The following CACNA1I variants were observed in gnomAD, a reference collection of about 807,000 sequenced individuals.
CACNA1I encodes voltage-dependent T-type calcium channel subunit alpha-1I.
CACNA1I carries 74 observed loss-of-function variants against 201.6 expected under a neutral mutation model. That is an observed-to-expected ratio of 0.37 (90% CI 0.30 to 0.45). The LOEUF is 0.45. CACNA1I is among the 20% of genes least tolerant of loss of function. The pLI is 1.00. For synonymous variants in CACNA1I, 1,431 were observed against 1,345.2 expected, an observed-to-expected ratio of 1.06 and a Z score of -1.40; for missense variants, 2,346 against 3,138.1, an observed-to-expected ratio of 0.75 and a Z score of 6.03.
At chr22:39,604,852 C>G (rs1317185261) in intron 3 of CACNA1I, among the ~76,000 whole-genome samples, 1 of 152,008 alleles carries the variant, frequency 6.6e-6, no homozygotes, top group South Asian at 2.1e-4. Flanking sequence ...CGCTGGGATA[C>G]AGGTGTGAGC....
In CACNA1I at chr22:39,673,959, G is replaced by A. The variant is rs759304316; in HGVS notation, c.4784-4G>A. On this transcript the variant is annotated splice_region_variant and splice_polypyrimidine_tract_variant and intron_variant, in intron 28 of 36. Coordinates refer to ENST00000402142, the MANE Select transcript of CACNA1I (RefSeq NM_021096.4). ...GAGTGGGCAGGGCTGGGTCTCGCCC[G>A]CAGTGCTGAAGCTGTTGAAGATGGC... 1.8e-5 allele frequency: 29 copies of A among 1,612,286 alleles called. No individual in the cohort carries two copies. The highest frequency in any genetic ancestry group is 2.2e-5 in the Non-Finnish European group (26 of 1,179,770).
intron 4 of CACNA1I, 79 bp downstream of exon 4, chr22:39,619,486 G>GGGGGGGGGGCC: frequency 9.6e-7 from 1 of 1,037,934 alleles, no homozygotes; most frequent in Non-Finnish European, 1.5e-6. Context: ...CCTAGCCAAT[G>GGGGGGGGGGCC]CCCACCCCCC....
chr22:39,659,637 C>T lies in CACNA1I; in HGVS notation c.2449-60C>T. ...GGCGGGGCTGACAACTCCCATGCCTCCTTGTAGAGCCTAGCCCTGGACTAG... is the reference window on the plus strand; with the variant it reads ...GGCGGGGCTGACAACTCCCATGCCTTCTTGTAGAGCCTAGCCCTGGACTAG... On this transcript the variant is annotated intron_variant, in intron 13 of 36. Transcript: ENST00000402142. The surrounding 1 kb of genome is among the most constrained non-coding windows in gnomAD (Gnocchi z 4.3). The T allele has an allele frequency of 6.2e-7, 1 of 1,606,540 alleles. No homozygotes were observed.
At chr22:39,670,320 G>A (rs1353525116) in intron 25 of CACNA1I, 90 bp downstream of exon 25, 81 of 1,350,268 alleles carry the variant, frequency 6.0e-5, no homozygotes, top group Non-Finnish European at 8.1e-5. Flanking sequence ...TTTGGAGCTG[G>A]AAGGGAACAA....
In CACNA1I at chr22:39,648,474, G is replaced by A. The variant is rs1003848639; in HGVS notation, c.1567+548G>A. Among the ~76,000 whole-genome samples, 22 of 151,968 alleles carry A rather than the reference G, an allele frequency of 1.4e-4. No individual in the cohort carries two copies. The highest frequency in any genetic ancestry group is 4.1e-4 in the African/African-American group (17 of 41,396). ...AAACGAGAGTTGGCTGTCGCCCCAC[G>A]TCCAGGTGGGAGCAGTGAGCCGGCG... is the stretch of plus-strand genomic sequence containing the variant. On this transcript the variant is annotated intron_variant, in intron 9 of 36. Coordinates refer to ENST00000402142, the MANE Select transcript of CACNA1I (RefSeq NM_021096.4). The surrounding 1 kb of genome is among the most constrained non-coding windows in gnomAD (Gnocchi z 5.4).
At chr22:39,639,211 C>A (rs1487567196) in intron 5 of CACNA1I, among the ~76,000 whole-genome samples, 1 of 152,202 alleles carries the variant, frequency 6.6e-6, no homozygotes, top group Non-Finnish European at 1.5e-5. Flanking sequence ...GGGACAGAGG[C>A]CATGTGCTCT....
chr22:39,594,625 T>C (rs1820310209), intron 1 of CACNA1I, among the ~76,000 whole-genome samples: 1 of 151,482 alleles, frequency 6.6e-6, no homozygotes, highest in Non-Finnish European at 1.5e-5. Context: ...GGGCTGGGGA[T>C]GGGAGGGAGG....
intron 10 of CACNA1I, among the ~76,000 whole-genome samples, chr22:39,654,794 T>G (rs2146438197): frequency 6.6e-6 from 1 of 151,688 alleles, no homozygotes; most frequent in African/African-American, 2.4e-5. Flanking sequence ...AGCATAGGTA[T>G]CCCCCAAAAG....
At chr22:39,660,504 G>C (rs1601507963) in intron 15 of CACNA1I, 67 bp downstream of exon 15, 1 of 1,138,006 alleles carries the variant, frequency 8.8e-7, no homozygotes, top group South Asian at 1.4e-5. Flanking sequence ...GTGGGCAGAG[G>C]GTACAGCGTC....
At chr22:39,612,532 A>C (rs1373455117) in intron 3 of CACNA1I, among the ~76,000 whole-genome samples, 1 of 152,156 alleles carries the variant, frequency 6.6e-6, no homozygotes, top group African/African-American at 2.4e-5. Flanking sequence ...CCACTTCCTC[A>C]TAGATGAGTC....
intron 3 of CACNA1I, among the ~76,000 whole-genome samples, chr22:39,608,883 G>C (rs151074469): frequency 5.5e-4 from 83 of 152,130 alleles, no homozygotes; most frequent in African/African-American, 1.9e-3. Context: ...CTGGAATGCT[G>C]GGAACAGCTT....
chr22:39,673,049 A>T lies in CACNA1I; in HGVS notation c.4750A>T (p.Ile1584Phe). 1 of 1,613,552 alleles carries T rather than the reference A, an allele frequency of 6.2e-7. No individual in the cohort carries two copies. Among genetic ancestry groups the T allele is most frequent in the Non-Finnish European group, 8.5e-7 (1 of 1,179,772 alleles). Reference protein sequence around the residue: ...NAALPINPTIIRIMRVLRIAR... With the variant: ...NAALPINPTIFRIMRVLRIAR... ...GGCCCTGCCCATCAATCCCACCATC[A>T]TCCGCATCATGAGGGTTCTGCGCAT... The change falls in exon 28 of 37, where the codon ATC (isoleucine) becomes TTC (phenylalanine). Residue 1584 changes from isoleucine to phenylalanine, a missense_variant. By Grantham distance (21) the Ile-to-Phe change is conservative. Around this residue, in one of 13 missense-constraint regions of CACNA1I, gnomAD observed 228 missense variants for 395.7 expected, o/e 0.58. Transcript: ENST00000402142.
intron 14 of CACNA1I, 90 bp from the exon 15 acceptor site, chr22:39,660,254 G>C (rs191890245): frequency 3.2e-6 from 3 of 932,214 alleles, no homozygotes; most frequent in Non-Finnish European, 4.9e-6. Flanking sequence ...GCAAAATGGC[G>C]GTGGAAACAC....
chr22:39,677,132 T>TATTCTTG lies in CACNA1I; in HGVS notation c.4855-209_4855-208insATTCTTG, dbSNP rs1022674422. Among the ~76,000 whole-genome samples the TATTCTTG allele has an allele frequency of 9.2e-5, 14 of 152,138 alleles. No homozygotes were observed. The highest frequency in any genetic ancestry group is 3.4e-4 in the African/African-American group (14 of 41,422). On this transcript the variant is annotated intron_variant, in intron 29 of 36. Transcript: ENST00000402142. This position sits in a 1 kb window ranked among gnomAD's most constrained non-coding sequence, Gnocchi z 4.8. The stretch of plus-strand genomic sequence containing the variant: ...CTTGTGGTAAAGGTGGCACAAGTGT[T>TATTCTTG]TTCTTGTTATTCTGAGCCCTGTGCT...
chr22:39,661,912 C>A, intron 16 of CACNA1I, 53 bp from the exon 17 acceptor site: 1 of 1,267,616 alleles, frequency 7.9e-7, no homozygotes. Flanking sequence ...CACCTGGTGC[C>A]CCAGCCGTGG....
At chr22:39,623,040 A>C (rs958194405) in intron 4 of CACNA1I, among the ~76,000 whole-genome samples, 4 of 152,188 alleles carry the variant, frequency 2.6e-5, no homozygotes. Context: ...TGTCCGGTCT[A>C]GGGTCTGCCC....
Position 39,666,676 on chromosome 22 carries a change from G to A in CACNA1I, c.4104+670G>A, listed in dbSNP as rs962243431. Among the ~76,000 whole-genome samples, 7 of 152,236 alleles carry A rather than the reference G, an allele frequency of 4.6e-5. No individual in the cohort carries two copies. Among genetic ancestry groups the A allele is most frequent in the African/African-American group, 9.6e-5 (4 of 41,470 alleles). On this transcript the variant is annotated intron_variant, in intron 23 of 36. Transcript: ENST00000402142. This position sits in a 1 kb window ranked among gnomAD's most constrained non-coding sequence, Gnocchi z 4.1. Reference sequence around the variant, plus strand: ...AGGCCAGGTATGTCCAGACGTAGGCGTGCCTTGCCCCAGGGCACACAGGGA... The same window carrying A: ...AGGCCAGGTATGTCCAGACGTAGGCATGCCTTGCCCCAGGGCACACAGGGA...
At chr22:39,606,347 A>T (rs945001099) in intron 3 of CACNA1I, among the ~76,000 whole-genome samples, 1 of 152,102 alleles carries the variant, frequency 6.6e-6, no homozygotes, top group Admixed American at 6.5e-5. Context: ...AAAACTTTGC[A>T]CTTACTGCTG....
chr22:39,593,452 C>G (rs117863931), intron 1 of CACNA1I, among the ~76,000 whole-genome samples: 2 of 152,122 alleles, frequency 1.3e-5, no homozygotes. Context: ...GAGGCACATC[C>G]GGGGAAGCTT....
Sources: allele counts gnomAD v4.1 joint callset (sites outside exome capture counted in the v4.1 genomes callset), GRCh38; gene constraint gnomAD v4.1.1; regional missense constraint gnomAD v4.1.1; non-coding constraint Gnocchi (gnomAD v3.1); transcripts MANE v1.5; gene names NCBI Gene and HGNC (gene_info 2026-07-23, HGNC 2026-07-21).